The following EPHB2 variants were observed in gnomAD, a reference collection of about 807,000 sequenced individuals.
EPHB2 encodes the protein EPH receptor B2, also known as ephrin type-B receptor 2.
A neutral mutation model predicts 96.4 loss-of-function variants in EPHB2; 18 were observed. The ratio of observed to expected loss-of-function variants is 0.19; its 90% CI spans 0.13 to 0.28. The LOEUF is 0.28. EPHB2 is among the 10% of genes least tolerant of loss of function. The pLI is 1.00. For missense variants in EPHB2, 989 were observed against 1,355.4 expected, an observed-to-expected ratio of 0.73 and a Z score of 4.25; for synonymous variants, 506 against 534.1, an observed-to-expected ratio of 0.95 and a Z score of 0.72.
At chr1:22,832,264 G>A (rs1250317853) in intron 3 of EPHB2, among the ~76,000 whole-genome samples, 1 of 152,178 alleles carries the variant, frequency 6.6e-6, no homozygotes, top group African/African-American at 2.4e-5. Flanking sequence ...TCTCTGAGCT[G>A]TGGGTTCTTC....
rs201228583 is a variant in EPHB2 at position 22,775,265 on chromosome 1, T to A, written c.62-6156T>A. The A allele has an allele frequency of 1.4e-5, 11 of 779,696 alleles. No homozygotes were observed. In the African/African-American group the frequency reaches 1.7e-4, roughly 12 times the overall value. The allele number at this position is 779,696 out of a possible 1,614,324, so 48.3% of individuals were successfully genotyped here. A position where few individuals can be genotyped will look rare whatever the true frequency, so the allele number is the denominator to read the frequency against. On this transcript the variant is annotated intron_variant, in intron 1 of 15. Coordinates refer to ENST00000374630, the MANE Select transcript of EPHB2 (RefSeq NM_017449.5). ...TGCAGGTTGGTTCTCCTGTCTGGCC[T>A]CAGTTTCCTCGTCTGTGAAATGGGG...
At chr1:22,852,110 G>A (rs1358590700) in intron 3 of EPHB2, among the ~76,000 whole-genome samples, 1 of 152,228 alleles carries the variant, frequency 6.6e-6, no homozygotes, top group Non-Finnish European at 1.5e-5. Context: ...CCAGAGTCAA[G>A]GTGAAGATGC....
chr1:22,775,116 C>A, intron 1 of EPHB2: 1 of 761,858 alleles, frequency 1.3e-6, no homozygotes, highest in Non-Finnish European at 2.4e-6. Context: ...CACACAAGCC[C>A]TGATGACTTT....
chr1:22,901,904 C>T (rs1362722109), intron 9 of EPHB2, among the ~76,000 whole-genome samples: 1 of 152,066 alleles, frequency 6.6e-6, no homozygotes, highest in African/African-American at 2.4e-5. Flanking sequence ...CGGCTTACTG[C>T]AGCCTCTACC....
rs778603111 is a variant in EPHB2 at position 22,733,659 on chromosome 1, A to C, written c.61+22616A>C. Among the ~76,000 whole-genome samples, 1 of 152,232 alleles carries C rather than the reference A, an allele frequency of 6.6e-6. No homozygotes were observed. Among genetic ancestry groups the C allele is most frequent in the Non-Finnish European group, 1.5e-5 (1 of 68,052 alleles). On this transcript the variant is annotated intron_variant, in intron 1 of 15. Coordinates refer to ENST00000374630, the MANE Select transcript of EPHB2 (RefSeq NM_017449.5). The surrounding 1 kb of genome is among the most constrained non-coding windows in gnomAD (Gnocchi z 4.6). ...GGAAAACTGAATCTCTGAGAGGTTC[A>C]GTAAATTGCCCAAGGCCACATAGCC...
intron 5 of EPHB2, among the ~76,000 whole-genome samples, chr1:22,876,483 A>T (rs1228361333): frequency 6.6e-6 from 1 of 152,098 alleles, no homozygotes; most frequent in African/African-American, 2.4e-5. Flanking sequence ...TCTGGGGTTC[A>T]CTGAGGGCAG....
At chr1:22,797,260 A>G (rs139469113) in intron 3 of EPHB2, among the ~76,000 whole-genome samples, 2 of 152,208 alleles carry the variant, frequency 1.3e-5, no homozygotes, top group East Asian at 3.9e-4. Context: ...CATTCCACTA[A>G]AACAGCTCAT....
chr1:22,828,528 G>A (rs1054187436), intron 3 of EPHB2, among the ~76,000 whole-genome samples: 8 of 152,072 alleles, frequency 5.3e-5, no homozygotes, highest in Admixed American at 4.6e-4. Context: ...GAGACCTTTC[G>A]GAGAGAACTG....
In EPHB2 at chr1:22,784,502, G is replaced by A. The variant is rs2148423886; in HGVS notation, c.237G>A (p.Arg79=). The A allele has an allele frequency of 3.1e-6, 5 of 1,613,654 alleles. No homozygotes were observed. The East Asian group carries it at 1.1e-4, about 36-fold the overall frequency. Residue 79 remains arginine (R), a synonymous_variant, in exon 3 of 16, where the codon CGG becomes CGA. Coordinates refer to ENST00000374630, the MANE Select transcript of EPHB2 (RefSeq NM_017449.5). This position sits in a 1 kb window ranked among gnomAD's most constrained non-coding sequence, Gnocchi z 5.1. The part of the protein sequence containing the change: ...QNNWLRTKFI[R]RRGAHRIHVE... ...ACTGGCTACGGACCAAGTTTATCCG[G>A]CGCCGTGGCGCCCACCGCATCCACG...
At chr1:22,834,507 C>T (rs929783883) in intron 3 of EPHB2, among the ~76,000 whole-genome samples, 2 of 152,220 alleles carry the variant, frequency 1.3e-5, no homozygotes, top group South Asian at 2.1e-4. Context: ...AAATTTTAGC[C>T]TTTGTGGGTT....
intron 1 of EPHB2, among the ~76,000 whole-genome samples, chr1:22,752,488 G>A (rs1437183552): frequency 1.4e-5 from 2 of 146,344 alleles, no homozygotes; most frequent in African/African-American, 5.0e-5. Flanking sequence ...CTCAAAGAAA[G>A]AATAATAATA....
chr1:22,833,557 T>C (rs1645338101), intron 3 of EPHB2, among the ~76,000 whole-genome samples: 1 of 152,172 alleles, frequency 6.6e-6, no homozygotes, highest in African/African-American at 2.4e-5. Context: ...TTTGGCTTGG[T>C]TGAGGCCAAT....
At chr1:22,783,374 C>T (rs1054616730) in intron 2 of EPHB2, among the ~76,000 whole-genome samples, 2 of 152,226 alleles carry the variant, frequency 1.3e-5, no homozygotes, top group African/African-American at 4.8e-5. Flanking sequence ...AGCCAGCCAA[C>T]ACCAAAGGGG....
At chr1:22,767,708 C>T (rs1193595338) in intron 1 of EPHB2, among the ~76,000 whole-genome samples, 1 of 152,178 alleles carries the variant, frequency 6.6e-6, no homozygotes, top group Admixed American at 6.5e-5. Flanking sequence ...TGCCCCTCTT[C>T]CCCCTGTGTC....
rs376279096 is a variant in EPHB2 at position 22,748,410 on chromosome 1, C to G, written c.62-33011C>G. ...TTTTTTCTTTTTTTTGAGATGGAGTCTTGCTCTGTCGCCCAGGCTGGAGTG... is the reference window on the plus strand; with the variant it reads ...TTTTTTCTTTTTTTTGAGATGGAGTGTTGCTCTGTCGCCCAGGCTGGAGTG... On this transcript the variant is annotated intron_variant, in intron 1 of 15. Transcript: ENST00000374630. Among the ~76,000 whole-genome samples, 3 of 148,354 alleles carry G rather than the reference C, an allele frequency of 2.0e-5. No individual in the cohort carries two copies. The East Asian group carries it at 5.9e-4, about 29-fold the overall frequency.
chr1:22,747,663 C>A (rs374928615), intron 1 of EPHB2, among the ~76,000 whole-genome samples: 3 of 152,230 alleles, frequency 2.0e-5, no homozygotes, highest in Non-Finnish European at 4.4e-5. Flanking sequence ...CCAGCAGGGG[C>A]GGCCTGCAGG....
At chr1:22,786,526 G>A (rs1340059601) in intron 3 of EPHB2, among the ~76,000 whole-genome samples, 3 of 152,170 alleles carry the variant, frequency 2.0e-5, no homozygotes, top group South Asian at 4.1e-4. Flanking sequence ...TGATCCTTAC[G>A]TGATAAAATG....
At chr1:22,749,691 T>C (rs962529250) in intron 1 of EPHB2, among the ~76,000 whole-genome samples, 1 of 152,158 alleles carries the variant, frequency 6.6e-6, no homozygotes, top group African/African-American at 2.4e-5. Context: ...CTCCTCCCCG[T>C]CCACAGGGTG....
intron 1 of EPHB2, among the ~76,000 whole-genome samples, chr1:22,743,383 T>C (rs1007079028): frequency 2.0e-5 from 3 of 152,242 alleles, no homozygotes; most frequent in Non-Finnish European, 4.4e-5. Flanking sequence ...TTCACCTCTC[T>C]GAGCTTCAGT....
Sources: gnomAD v4.1 joint callset for allele counts (sites outside exome capture counted in the v4.1 genomes callset) on GRCh38, gnomAD v4.1.1 for gene constraint, Gnocchi (gnomAD v3.1) non-coding constraint, MANE v1.5 for transcripts, NCBI Gene and HGNC (gene_info 2026-07-23, HGNC 2026-07-21) for gene names.